Variants in CALU observed in about 807,000 individuals in gnomAD.
CALU encodes IEF SSP 9302.
CALU carries 13 observed loss-of-function variants against 37.5 expected under a neutral mutation model. The observed-to-expected ratio is 0.35, with a 90% CI of 0.23 to 0.55. The LOEUF (loss-of-function observed/expected upper bound fraction) is 0.55, where lower values mean the gene tolerates loss of function less well. Among genes scored for constraint, CALU ranks in the 20% least tolerant of loss-of-function variants. The pLI, the probability that CALU is intolerant of heterozygous loss-of-function variation, is 0.89. For missense variants in CALU, 282 were observed against 391.7 expected (o/e 0.72, Z 2.36); for synonymous variants, 114 against 133.8 (o/e 0.85, Z 1.02).
At position 128,772,373 on chromosome 7, in the gene CALU, C is replaced by CA. The variant is rs1801618020; in HGVS notation, c.*3208dup. The CA allele has an allele frequency of 1.3e-6, 1 of 749,558 alleles. No individual in the cohort carries two copies. Among genetic ancestry groups the CA allele is most frequent in the African/African-American group, 1.7e-5 (1 of 57,170 alleles). The allele number at this position is 749,558 out of a possible 1,614,324, so 46.4% of individuals were successfully genotyped here. On this transcript the variant is annotated 3_prime_UTR_variant, in exon 7 of 7. Transcript: ENST00000249364. ...CCAGTGGAAACAGTAGCTTTGTAGGCAAGAAGGCAATAGTAAGAAAATGAA... is the reference window on the plus strand; with the variant it reads ...CCAGTGGAAACAGTAGCTTTGTAGGCAAAGAAGGCAATAGTAAGAAAATGAA...
chr7:128,750,098 CG>C (rs1800605532), intron 2 of CALU, among the ~76,000 whole-genome samples: 1 of 151,690 alleles, frequency 6.6e-6, no homozygotes, highest in Non-Finnish European at 1.5e-5. Context: ...CGTGGTGGCG[CG>C]TGCCTGTAGT....
intron 1 of CALU, among the ~76,000 whole-genome samples, chr7:128,739,854 T>C (rs1476645400): frequency 6.6e-6 from 1 of 152,110 alleles, no homozygotes; most frequent in Non-Finnish European, 1.5e-5. Context: ...ATCCTGCTTG[T>C]ATCTGCCAGC....
At position 128,757,721 on chromosome 7, in the gene CALU, A is replaced by C. The variant is rs193302143; in HGVS notation, c.416-1150A>C. Reference sequence around the variant, plus strand: ...AAATATCTTCATGTCTGTTATCTTAATTTGGTTTATACAGGAACGCAGATT... The same window carrying C: ...AAATATCTTCATGTCTGTTATCTTACTTTGGTTTATACAGGAACGCAGATT... On this transcript the variant is annotated intron_variant, in intron 3 of 6. Transcript: ENST00000249364. 1.1e-3 allele frequency among the ~76,000 whole-genome samples: 172 copies of C among 152,220 alleles called. 1 individual carries two copies. Among genetic ancestry groups the C allele is most frequent in the African/African-American group, 4.0e-3 (165 of 41,558 alleles).
chr7:128,772,660 C>T lies in CALU; in HGVS notation c.*3493C>T, dbSNP rs771601968. 37 of 1,613,924 alleles carry T rather than the reference C, an allele frequency of 2.3e-5. No homozygotes were observed. The highest frequency in any genetic ancestry group is 2.9e-5 in the Non-Finnish European group (34 of 1,179,956). On this transcript the variant is annotated 3_prime_UTR_variant, in exon 7 of 7. Coordinates refer to ENST00000249364, the MANE Select transcript of CALU (RefSeq NM_001219.5). ...CCATCTTCATGATGCAAGCTTGGAA[C>T]TGGAGAGAAAGGTACAATTGGAGAT...
At position 128,769,819 on chromosome 7, in the gene CALU, G is replaced by A. The variant is rs932700695; in HGVS notation, c.*652G>A. On this transcript the variant is annotated 3_prime_UTR_variant, in exon 7 of 7. Transcript: ENST00000249364. The stretch of plus-strand genomic sequence containing the variant: ...TTCTTCTTTTTCCCCCTGTAGGACT[G>A]ACTGTTGGCTAATTTTGTCAAGCAC... 1.3e-5 allele frequency: 2 copies of A among 152,232 alleles called. No homozygotes were observed. Among genetic ancestry groups the A allele is most frequent in the Admixed American group, 6.5e-5 (1 of 15,286 alleles). 9.4% of individuals were successfully genotyped at this position (152,232 alleles called of 1,614,324 possible).
intron 1 of CALU, among the ~76,000 whole-genome samples, chr7:128,746,079 T>C (rs1402487294): frequency 6.6e-6 from 1 of 152,228 alleles, no homozygotes; most frequent in African/African-American, 2.4e-5. Context: ...GACGTTGTTT[T>C]GAACCTTGCT....
At chr7:128,757,848 C>T (rs1381187184) in intron 3 of CALU, among the ~76,000 whole-genome samples, 2 of 151,030 alleles carry the variant, frequency 1.3e-5, no homozygotes, top group East Asian at 1.9e-4. Context: ...ATAACTGCTG[C>T]TTGTGTAGCT....
chr7:128,763,450 G>C (rs1324565168), intron 5 of CALU, among the ~76,000 whole-genome samples: 1 of 152,118 alleles, frequency 6.6e-6, no homozygotes, highest in Non-Finnish European at 1.5e-5. Flanking sequence ...AGAATCGCTT[G>C]AACCCAGGAG....
chr7:128,769,075 A>G lies in CALU; in HGVS notation c.856A>G (p.Thr286Ala), dbSNP rs1168571294. The change falls in exon 7 of 7, where the codon ACC (threonine) becomes GCC (alanine). Residue 286 changes from threonine (T) to alanine (A), a missense_variant. Coordinates refer to ENST00000249364, the MANE Select transcript of CALU (RefSeq NM_001219.5). ...TCTCTACTTTCAGGATGGCAAGCTT[A>G]CCAAGGAGGAGATCGTTGACAAGTA... Reference protein sequence around the residue: ...ESDQNKDGKLTKEEIVDKYDL... With the variant: ...ESDQNKDGKLAKEEIVDKYDL... 4.4e-6 allele frequency: 7 copies of G among 1,608,502 alleles called. No individual in the cohort carries two copies. Among genetic ancestry groups the G allele is most frequent in the Non-Finnish European group, 4.3e-6 (5 of 1,175,136 alleles).
intron 3 of CALU, among the ~76,000 whole-genome samples, chr7:128,756,067 CAT>C (rs1563131572): frequency 6.6e-6 from 1 of 152,246 alleles, no homozygotes; most frequent in African/African-American, 2.4e-5. Flanking sequence ...AAGAACCAAA[CAT>C]ATCCTTCACC....
intron 1 of CALU, among the ~76,000 whole-genome samples, chr7:128,742,752 A>G (rs1376541296): frequency 3.3e-5 from 5 of 152,218 alleles, no homozygotes; most frequent in African/African-American, 1.2e-4. Context: ...CTTAAGACTC[A>G]TTATTATTAA....
chr7:128,760,152 C>T (rs1801049919), intron 5 of CALU, among the ~76,000 whole-genome samples: 1 of 152,142 alleles, frequency 6.6e-6, no homozygotes, highest in African/African-American at 2.4e-5. Context: ...GAGCCGAGAA[C>T]ACGCCATTGC....
intron 4 of CALU, 93 bp downstream of exon 4, chr7:128,759,130 T>C: frequency 3.4e-6 from 3 of 870,002 alleles, no homozygotes; most frequent in Non-Finnish European, 3.6e-6. Context: ...GCATATCTTA[T>C]ATATATATAT....
chr7:128,765,970 G>A (rs966927255), intron 5 of CALU, among the ~76,000 whole-genome samples: 7 of 152,048 alleles, frequency 4.6e-5, no homozygotes, highest in Non-Finnish European at 1.0e-4. Context: ...GGTTTTGTTT[G>A]TTTCAAGGTG....
In CALU at chr7:128,769,351, G is replaced by A. The variant is rs1003254959; in HGVS notation, c.*184G>A. ...GGGACTGGAGGGAAGCCGTGCTTCT[G>A]AGGAACAACTCTAATTAGTACACTT... On this transcript the variant is annotated 3_prime_UTR_variant, in exon 7 of 7. Transcript: ENST00000249364. 4.4e-5 allele frequency: 22 copies of A among 498,430 alleles called. No homozygotes were observed. Among genetic ancestry groups the A allele is most frequent in the Middle Eastern group, 4.7e-4 (1 of 2,146 alleles). 30.9% of individuals were successfully genotyped at this position (498,430 alleles called of 1,614,324 possible). A position where few individuals can be genotyped will look rare whatever the true frequency, so the allele number is the denominator to read the frequency against.
intron 2 of CALU, among the ~76,000 whole-genome samples, chr7:128,753,745 T>G (rs1054513928): frequency 6.6e-6 from 1 of 152,234 alleles, no homozygotes; most frequent in African/African-American, 2.4e-5. Context: ...TCTTTGTATT[T>G]TTATCAAAAG....
At chr7:128,765,557 C>T (rs976895298) in intron 5 of CALU, among the ~76,000 whole-genome samples, 4 of 152,194 alleles carry the variant, frequency 2.6e-5, no homozygotes, top group African/African-American at 9.7e-5. Context: ...TTTGCAAGAA[C>T]ATTGTGTATG....
chr7:128,753,070 T>C (rs1291847053), intron 2 of CALU, among the ~76,000 whole-genome samples: 1 of 152,250 alleles, frequency 6.6e-6, no homozygotes, highest in South Asian at 2.1e-4. Context: ...AAATGCTAGT[T>C]ACTTACAGGA....
chr7:128,768,842 C>T (rs1446846260), intron 6 of CALU, among the ~76,000 whole-genome samples: 38 of 35,998 alleles, frequency 1.1e-3, no homozygotes, highest in Non-Finnish European at 1.3e-3. Flanking sequence ...AGCGAAACTC[C>T]GTCTCAAAAA....
Sources: allele counts gnomAD v4.1 joint callset (sites outside exome capture counted in the v4.1 genomes callset), GRCh38; gene constraint gnomAD v4.1.1; transcripts MANE v1.5; gene names NCBI Gene and HGNC (gene_info 2026-07-23, HGNC 2026-07-21).